Variants in DPP6 observed in about 807,000 individuals in gnomAD.
The protein encoded by DPP6 is dipeptidyl peptidase like 6.
In DPP6, 69 loss-of-function variants were observed where a neutral mutation model predicts 122.6. The observed-to-expected ratio is 0.56, with a 90% CI of 0.46 to 0.69. DPP6 has a LOEUF of 0.69. DPP6 is among the 30% of genes least tolerant of loss of function. The pLI is 0.00. For missense variants in DPP6, 928 were observed against 1,116.9 expected, an observed-to-expected ratio of 0.83 and a Z score of 2.41; for synonymous variants, 418 against 433.1, an observed-to-expected ratio of 0.97 and a Z score of 0.43.
intron 1 of DPP6, among the ~76,000 whole-genome samples, chr7:154,041,652 T>C (rs2129058011): frequency 6.6e-6 from 1 of 152,306 alleles, no homozygotes. Context: ...GGATTTTATC[T>C]GGGTGGGAAG....
At chr7:154,528,137 T>TA (rs1483779546) in intron 3 of DPP6, among the ~76,000 whole-genome samples, 4 of 152,184 alleles carry the variant, frequency 2.6e-5, no homozygotes, top group Non-Finnish European at 4.4e-5. Context: ...AAGCACTAGA[T>TA]ATATTGCACA....
At chr7:154,224,698 G>A (rs1056176541) in intron 1 of DPP6, among the ~76,000 whole-genome samples, 2 of 149,398 alleles carry the variant, frequency 1.3e-5, no homozygotes, top group African/African-American at 5.1e-5. Context: ...AATGTATAGA[G>A]TTAGATTTTA....
At chr7:154,530,350 G>T (rs543506110) in intron 3 of DPP6, among the ~76,000 whole-genome samples, 1 of 152,166 alleles carries the variant, frequency 6.6e-6, no homozygotes, top group East Asian at 1.9e-4. Flanking sequence ...AATACAAGAT[G>T]CTCAGTGAAC....
At chr7:153,765,638 GA>G in the DPP6 span, among the ~76,000 whole-genome samples, 1 of 152,114 alleles carries the variant, frequency 6.6e-6, no homozygotes, top group East Asian at 1.9e-4. Context: ...ATATCAGGAG[GA>G]TGTATTTTGG....
intron 1 of DPP6, among the ~76,000 whole-genome samples, chr7:154,203,515 T>C (rs896847058): frequency 1.3e-5 from 2 of 152,140 alleles, no homozygotes; most frequent in Non-Finnish European, 2.9e-5. Context: ...TCACATCCTA[T>C]CACTGCCCCT....
chr7:154,128,756 G>A (rs1419988739), intron 1 of DPP6, among the ~76,000 whole-genome samples: 4 of 150,882 alleles, frequency 2.7e-5, no homozygotes, highest in Admixed American at 1.3e-4. Flanking sequence ...CTCATCTGAC[G>A]GCAGCCTTGC....
rs554672545 is a variant in DPP6 at position 154,480,636 on chromosome 7, G to C, written c.457+5599G>C. On this transcript the variant is annotated intron_variant, in intron 3 of 25. Transcript: ENST00000377770. ...TTTCATGGCTGCACGCCCTCCCTTGGTGTCTCCCTCCAGTCTTATAGTTTT... is the reference window on the plus strand; with the variant it reads ...TTTCATGGCTGCACGCCCTCCCTTGCTGTCTCCCTCCAGTCTTATAGTTTT... Among the ~76,000 whole-genome samples the C allele has an allele frequency of 2.6e-5, 4 of 152,186 alleles. No homozygotes were observed. The South Asian group carries it at 8.3e-4, about 32-fold the overall frequency.
intron 1 of DPP6, among the ~76,000 whole-genome samples, chr7:154,317,324 C>T (rs1158033183): frequency 6.6e-6 from 1 of 151,990 alleles, no homozygotes; most frequent in East Asian, 1.9e-4. Context: ...GTGAATCCAG[C>T]CTGGGCGACA....
chr7:154,443,523 GA>G (rs1819568668), intron 1 of DPP6, among the ~76,000 whole-genome samples: 1 of 144,092 alleles, frequency 6.9e-6, no homozygotes, highest in Non-Finnish European at 1.5e-5. Flanking sequence ...TGGATGGATG[GA>G]TGGATGGATG....
intron 1 of DPP6, among the ~76,000 whole-genome samples, chr7:154,283,557 G>A (rs1378141137): frequency 2.6e-5 from 4 of 151,754 alleles, no homozygotes; most frequent in African/African-American, 9.7e-5. Context: ...ACTAGGCAGG[G>A]CTCTGTTCTT....
intron 1 of DPP6, among the ~76,000 whole-genome samples, chr7:154,405,187 G>A (rs556407761): frequency 1.3e-5 from 2 of 152,096 alleles, no homozygotes; most frequent in African/African-American, 4.8e-5. Flanking sequence ...GACTTGGAGA[G>A]TTTATTAGCT....
chr7:154,223,383 A>G (rs1800415547), intron 1 of DPP6, among the ~76,000 whole-genome samples: 1 of 149,390 alleles, frequency 6.7e-6, no homozygotes, highest in Admixed American at 6.6e-5. Flanking sequence ...TGATGGGCAA[A>G]TATAGAACTA....
intron 1 of DPP6, among the ~76,000 whole-genome samples, chr7:154,260,677 A>T (rs1004545774): frequency 1.0e-4 from 15 of 147,732 alleles, no homozygotes; most frequent in African/African-American, 3.7e-4. Context: ...ATATATATAT[A>T]ATACATATAT....
intron 1 of DPP6, among the ~76,000 whole-genome samples, chr7:154,065,636 T>C (rs576940651): frequency 5.9e-5 from 9 of 151,722 alleles, no homozygotes; most frequent in African/African-American, 2.2e-4. Flanking sequence ...AAATTGTCCA[T>C]CAAGGTATAA....
intron 10 of DPP6, among the ~76,000 whole-genome samples, chr7:154,778,418 C>T (rs530440066): frequency 6.6e-6 from 1 of 152,048 alleles, no homozygotes; most frequent in African/African-American, 2.4e-5. Context: ...CATGCTGACC[C>T]TGATGCGAAA....
chr7:154,725,078 C>A (rs1842000140), intron 7 of DPP6, among the ~76,000 whole-genome samples: 1 of 152,078 alleles, frequency 6.6e-6, no homozygotes, highest in African/African-American at 2.4e-5. Context: ...TAGAGTCTGG[C>A]CTTTTTACAG....
the DPP6 span, among the ~76,000 whole-genome samples, chr7:153,845,189 C>T: frequency 1.3e-5 from 2 of 152,050 alleles, no homozygotes; most frequent in Non-Finnish European, 1.5e-5. Flanking sequence ...ATTAAGAATG[C>T]TTATAGGTCA....
At position 154,395,304 on chromosome 7, in the gene DPP6, A is replaced by G. The variant is rs920754461; in HGVS notation, c.244-50910A>G. Reference sequence around the variant, plus strand: ...GGTTGGAGGTTAGGTTTCAACATACAAATTTTGGGGGGAAACAAACTTTCA... The same window carrying G: ...GGTTGGAGGTTAGGTTTCAACATACGAATTTTGGGGGGAAACAAACTTTCA... On this transcript the variant is annotated intron_variant, in intron 1 of 25. Transcript: ENST00000377770. Among the ~76,000 whole-genome samples the G allele has an allele frequency of 3.3e-5, 5 of 152,306 alleles. No individual in the cohort carries two copies. In the South Asian group the frequency reaches 1.0e-3, roughly 32 times the overall value.
the DPP6 span, among the ~76,000 whole-genome samples, chr7:153,750,192 T>C: frequency 6.6e-6 from 1 of 152,262 alleles, no homozygotes; most frequent in African/African-American, 2.4e-5. Context: ...TGAATGCTTT[T>C]ATTCAACTGA....
Sources: allele counts gnomAD v4.1 joint callset (sites outside exome capture counted in the v4.1 genomes callset), GRCh38; gene constraint gnomAD v4.1.1; transcripts MANE v1.5; gene names NCBI Gene and HGNC (gene_info 2026-07-23, HGNC 2026-07-21).